The following ULK2 variants were observed in gnomAD, a reference collection of about 807,000 sequenced individuals.
ULK2 encodes serine/threonine-protein kinase ULK2.
A neutral mutation model predicts 127.5 loss-of-function variants in ULK2; 76 were observed. The ratio of observed to expected loss-of-function variants is 0.60; its 90% confidence interval spans 0.50 to 0.72. The LOEUF (loss-of-function observed/expected upper bound fraction) is 0.72. Among genes scored for constraint, ULK2 ranks in the 30% least tolerant of loss-of-function variants. The pLI, the probability that ULK2 is intolerant of heterozygous loss-of-function variation, is 0.00. For missense variants in ULK2, 1,144 were observed against 1,295.9 expected (o/e 0.88, Z 1.80); for synonymous variants, 452 against 461.9 (o/e 0.98, Z 0.28).
At position 19,854,460 on chromosome 17, in the gene ULK2, T is replaced by C. The variant is rs1012146097; in HGVS notation, c.226-4686A>G. On this transcript the variant is annotated intron_variant, in intron 3 of 26. Transcript: ENST00000395544. ...ATAAATTTATAAATTGATTCTCACC[T>C]AATCTGACCCTGATTTGCTGTAATT... Among the ~76,000 whole-genome samples, 6 of 152,270 alleles carry C rather than the reference T, an allele frequency of 3.9e-5. No individual in the cohort carries two copies. The South Asian group carries it at 1.0e-3, about 26-fold the overall frequency.
chr17:19,845,710 TTTTA>T (rs1165923754), intron 6 of ULK2, among the ~76,000 whole-genome samples: 3 of 152,188 alleles, frequency 2.0e-5, no homozygotes, highest in Non-Finnish European at 2.9e-5. Flanking sequence ...ACAATTATGC[TTTTA>T]TTGTTTCAAA....
intron 3 of ULK2, chr17:19,860,945 A>T (rs939014421): frequency 6.6e-6 from 1 of 151,960 alleles, no homozygotes; most frequent in South Asian, 2.1e-4. Flanking sequence ...TCCCACCTTA[A>T]TCCCAGCTAT....
In ULK2 at chr17:19,770,939, C is replaced by CATGG. The variant is rs1394959442; in HGVS notation, c.*5406_*5409dup. The CATGG allele has an allele frequency of 6.6e-6, 1 of 152,246 alleles. No homozygotes were observed. The highest frequency in any genetic ancestry group is 1.5e-5 in the Non-Finnish European group (1 of 68,048). The allele number at this position is 152,246 out of a possible 1,614,324, so 9.4% of individuals were successfully genotyped here. A position where few individuals can be genotyped will look rare whatever the true frequency, so the allele number is the denominator to read the frequency against. On this transcript the variant is annotated 3_prime_UTR_variant, in exon 27 of 27. Transcript: ENST00000395544. ...GCTGTTGAGCTCCAACTCCAGGCCC[C>CATGG]ATGGGGTTGCACCAAGCTGCTCAAC...
chr17:19,790,759 T>C (rs145155737), intron 20 of ULK2, among the ~76,000 whole-genome samples: 27 of 152,184 alleles, frequency 1.8e-4, no homozygotes, highest in Non-Finnish European at 3.8e-4. Context: ...CTGGTGCCTA[T>C]AAGAAACACA....
At chr17:19,821,289 AGAGT>A (rs2041136179) in intron 12 of ULK2, among the ~76,000 whole-genome samples, 1 of 152,210 alleles carries the variant, frequency 6.6e-6, no homozygotes, top group South Asian at 2.1e-4. Flanking sequence ...CCTGGGTGAC[AGAGT>A]GAGACTCTGT....
chr17:19,829,316 G>A (rs1231645135), intron 10 of ULK2, among the ~76,000 whole-genome samples: 3 of 151,878 alleles, frequency 2.0e-5, no homozygotes, highest in East Asian at 3.9e-4. Context: ...TGGGTGGATC[G>A]TTTGAGTTCA....
chr17:19,864,708 T>G (rs184254404), intron 3 of ULK2, 95 bp downstream of exon 3: 36 of 444,626 alleles, frequency 8.1e-5, no homozygotes, highest in Non-Finnish European at 1.2e-4. Flanking sequence ...TCAACAAGAA[T>G]TAAGGTCATT....
chr17:19,812,170 A>G (rs2087656886), intron 13 of ULK2, among the ~76,000 whole-genome samples: 1 of 152,190 alleles, frequency 6.6e-6, no homozygotes, highest in Non-Finnish European at 1.5e-5. Context: ...TCAGAGTAGC[A>G]CTGAAGGTAG....
chr17:19,836,647 C>T (rs996678305), intron 10 of ULK2, among the ~76,000 whole-genome samples: 1 of 151,928 alleles, frequency 6.6e-6, no homozygotes, highest in Non-Finnish European at 1.5e-5. Context: ...TGGCTCATGC[C>T]TGTAATCCCA....
chr17:19,867,314 C>T lies in ULK2; in HGVS notation c.90+14G>A, dbSNP rs764133708. 23 of 1,563,486 alleles carry T rather than the reference C, an allele frequency of 1.5e-5. No individual in the cohort carries two copies. Among genetic ancestry groups the T allele is most frequent in the Admixed American group, 1.9e-5 (1 of 52,684 alleles). On this transcript the variant is annotated intron_variant, in intron 1 of 26. Coordinates refer to ENST00000395544, the MANE Select transcript of ULK2 (RefSeq NM_014683.4). ...TGCCGCCCGGGGCCCGGCCTCGCCCCGGCCGGCGCTCACCTGGCGGTGCCG... is the reference window on the plus strand; with the variant it reads ...TGCCGCCCGGGGCCCGGCCTCGCCCTGGCCGGCGCTCACCTGGCGGTGCCG...
chr17:19,806,598 G>C (rs1240104870), intron 14 of ULK2, among the ~76,000 whole-genome samples: 1 of 152,172 alleles, frequency 6.6e-6, no homozygotes, highest in African/African-American at 2.4e-5. Context: ...GGTCTAGAAA[G>C]TCTTCCCTGG....
chr17:19,803,942 C>T (rs1187283847), intron 15 of ULK2, among the ~76,000 whole-genome samples: 1 of 152,210 alleles, frequency 6.6e-6, no homozygotes, highest in East Asian at 1.9e-4. Context: ...TCTGAGGGTA[C>T]TGTGGGGCAC....
chr17:19,835,990 C>T (rs1031222258), intron 10 of ULK2, among the ~76,000 whole-genome samples: 4 of 150,790 alleles, frequency 2.7e-5, no homozygotes, highest in South Asian at 4.2e-4. Context: ...GACTGGGCCG[C>T]GCCCGGTGGC....
At chr17:19,867,080 C>T (rs567791711) in intron 1 of ULK2, among the ~76,000 whole-genome samples, 1 of 152,274 alleles carries the variant, frequency 6.6e-6, no homozygotes, top group East Asian at 1.9e-4. Context: ...GGGCGGACCG[C>T]GGGGTGGGCC....
At chr17:19,859,371 T>C (rs1400829120) in intron 3 of ULK2, among the ~76,000 whole-genome samples, 1 of 151,500 alleles carries the variant, frequency 6.6e-6, no homozygotes, top group African/African-American at 2.4e-5. Flanking sequence ...AAAACAAAAT[T>C]ATCCAGGCGT....
At chr17:19,816,994 A>ATTT in intron 12 of ULK2, 74 bp from the exon 13 acceptor site, 2 of 1,223,600 alleles carry the variant, frequency 1.6e-6, no homozygotes, top group Non-Finnish European at 2.2e-6. Context: ...AGACTAAGGA[A>ATTT]TTTTTTTTTT....
At chr17:19,858,644 A>G (rs1189269687) in intron 3 of ULK2, among the ~76,000 whole-genome samples, 1 of 152,134 alleles carries the variant, frequency 6.6e-6, no homozygotes, top group Non-Finnish European at 1.5e-5. Flanking sequence ...AAATACAGCA[A>G]AAAGATGACT....
At chr17:19,848,782 A>C (rs1195463425) in intron 5 of ULK2, among the ~76,000 whole-genome samples, 2 of 152,088 alleles carry the variant, frequency 1.3e-5, no homozygotes, top group Non-Finnish European at 2.9e-5. Context: ...ATCTCCAAAA[A>C]AAAAAAAGGA....
intron 9 of ULK2, among the ~76,000 whole-genome samples, chr17:19,839,138 G>A (rs981009738): frequency 2.0e-5 from 3 of 152,126 alleles, no homozygotes; most frequent in Non-Finnish European, 2.9e-5. Context: ...ATCTGCAGGA[G>A]TAAGGCACCT....
Sources: gnomAD v4.1 joint callset for allele counts (sites outside exome capture counted in the v4.1 genomes callset) on GRCh38, gnomAD v4.1.1 for gene constraint, MANE v1.5 for transcripts, NCBI Gene and HGNC (gene_info 2026-07-23, HGNC 2026-07-21) for gene names.